Variants in GPBP1L1 observed in about 807,000 individuals in gnomAD.
GPBP1L1 encodes the protein vasculin-like protein 1.
Under a neutral mutation model 52.5 loss-of-function variants are expected in GPBP1L1, and 23 were observed. The observed-to-expected ratio is 0.44, with a 90% confidence interval of 0.32 to 0.62. The LOEUF (loss-of-function observed/expected upper bound fraction) is 0.62. Among genes scored for constraint, GPBP1L1 ranks in the 20% least tolerant of loss-of-function variants. The pLI, the probability that GPBP1L1 is intolerant of heterozygous loss-of-function variation, is 0.06. For synonymous variants in GPBP1L1, 243 were observed against 203.1 expected, an observed-to-expected ratio of 1.20 and a Z score of -1.67; for missense variants, 596 against 579.3, an observed-to-expected ratio of 1.03 and a Z score of -0.30.
At chr1:45,632,778 AG>A (rs1469506990) in intron 10 of GPBP1L1, among the ~76,000 whole-genome samples, 1 of 152,216 alleles carries the variant, frequency 6.6e-6, no homozygotes, top group Non-Finnish European at 1.5e-5. Flanking sequence ...CTGTAGTCAA[AG>A]ACACATCTAA....
chr1:45,635,305 G>A (rs1644580054), intron 8 of GPBP1L1: 1 of 152,094 alleles, frequency 6.6e-6, no homozygotes, highest in Admixed American at 6.5e-5. Flanking sequence ...GCAGATAAGA[G>A]AAACGATGAC....
intron 5 of GPBP1L1, 22 bp from the exon 6 acceptor site, chr1:45,654,851 CTAAT>C: frequency 6.2e-7 from 1 of 1,601,808 alleles, no homozygotes; most frequent in Non-Finnish European, 8.5e-7. Flanking sequence ...AAGAAAAGGA[CTAAT>C]TAGATTGTTT....
intron 8 of GPBP1L1, among the ~76,000 whole-genome samples, chr1:45,638,285 A>G (rs942381708): frequency 4.6e-5 from 7 of 152,092 alleles, no homozygotes; most frequent in Non-Finnish European, 7.4e-5. Context: ...CCTATATTCT[A>G]TCTAGTTCCT....
chr1:45,653,870 T>C (rs1333779452), intron 6 of GPBP1L1, among the ~76,000 whole-genome samples: 2 of 151,972 alleles, frequency 1.3e-5, no homozygotes, highest in African/African-American at 2.4e-5. Flanking sequence ...AGCTAATTTT[T>C]GTGTTTTTAG....
intron 2 of GPBP1L1, among the ~76,000 whole-genome samples, chr1:45,684,254 G>A (rs866485355): frequency 2.2e-4 from 8 of 36,590 alleles, no homozygotes; most frequent in South Asian, 1.5e-3. Context: ...GCGAAACTCC[G>A]TCTCAAAAAA....
At chr1:45,643,657 G>GTTTTTT (rs1644702864) in intron 6 of GPBP1L1, among the ~76,000 whole-genome samples, 2 of 123,546 alleles carry the variant, frequency 1.6e-5, no homozygotes, top group African/African-American at 6.4e-5. Flanking sequence ...TAGGAGAATG[G>GTTTTTT]CTTTTTTTTT....
At chr1:45,647,112 C>A (rs1161905356) in intron 6 of GPBP1L1, among the ~76,000 whole-genome samples, 1 of 148,268 alleles carries the variant, frequency 6.7e-6, no homozygotes, top group Admixed American at 6.7e-5. Flanking sequence ...AGAGTTCTAG[C>A]CCCTTATTTT....
intron 8 of GPBP1L1, among the ~76,000 whole-genome samples, chr1:45,638,117 C>T (rs75813373): frequency 0.015 from 2,256 of 152,318 alleles, 30 homozygotes; most frequent in African/African-American, 0.027. Flanking sequence ...GTATCCTAAA[C>T]CCTTTTCAAA....
At chr1:45,681,689 T>C (rs966825145) in intron 2 of GPBP1L1, among the ~76,000 whole-genome samples, 3 of 152,224 alleles carry the variant, frequency 2.0e-5, no homozygotes, top group Admixed American at 1.3e-4. Flanking sequence ...ATACAAATAT[T>C]ATTTATTACA....
At chr1:45,683,244 C>T (rs1170649754) in intron 2 of GPBP1L1, among the ~76,000 whole-genome samples, 1 of 118,592 alleles carries the variant, frequency 8.4e-6, no homozygotes, top group African/African-American at 3.3e-5. Flanking sequence ...GAGGGAGTCT[C>T]GCTCTGTCCC....
chr1:45,684,269 AAAAAAAAAG>A (rs1275500857), intron 2 of GPBP1L1, among the ~76,000 whole-genome samples: 3 of 151,138 alleles, frequency 2.0e-5, no homozygotes, highest in Admixed American at 1.3e-4. Context: ...AAAAAAAAAA[AAAAAAAAAG>A]AAAAAGAAAA....
chr1:45,630,688 C>T (rs1313663729), intron 10 of GPBP1L1, 82 bp from the exon 11 acceptor site: 10 of 1,491,406 alleles, frequency 6.7e-6, no homozygotes, highest in Middle Eastern at 1.8e-4. Flanking sequence ...CAAGGACTCA[C>T]GACCCAGGAA....
intron 2 of GPBP1L1, among the ~76,000 whole-genome samples, chr1:45,668,840 G>C (rs1019697495): frequency 3.7e-5 from 5 of 136,668 alleles, no homozygotes; most frequent in African/African-American, 1.4e-4. Flanking sequence ...AGGCATGGTG[G>C]TGGGCGCCTA....
At chr1:45,681,450 A>T (rs927864258) in intron 2 of GPBP1L1, among the ~76,000 whole-genome samples, 2 of 152,220 alleles carry the variant, frequency 1.3e-5, no homozygotes, top group Non-Finnish European at 2.9e-5. Context: ...AAATTAAGGC[A>T]TTTAAAATGG....
intron 7 of GPBP1L1, among the ~76,000 whole-genome samples, chr1:45,641,124 G>A (rs536044650): frequency 2.0e-5 from 3 of 152,152 alleles, no homozygotes; most frequent in Admixed American, 6.5e-5. Context: ...GAAACCCTCT[G>A]ATGAGGCAAA....
At chr1:45,631,323 C>T (rs1281788090) in intron 10 of GPBP1L1, among the ~76,000 whole-genome samples, 8 of 152,046 alleles carry the variant, frequency 5.3e-5, no homozygotes, top group African/African-American at 1.7e-4. Flanking sequence ...AGTGCAGTGG[C>T]GCGATCTCGG....
chr1:45,649,345 T>C, intron 6 of GPBP1L1, among the ~76,000 whole-genome samples: 1 of 152,230 alleles, frequency 6.6e-6, no homozygotes, highest in Non-Finnish European at 1.5e-5. Flanking sequence ...CCACTGATGT[T>C]TTAGCAAAAG....
intron 6 of GPBP1L1, among the ~76,000 whole-genome samples, chr1:45,646,463 G>C (rs1198715917): frequency 6.6e-6 from 1 of 151,980 alleles, no homozygotes; most frequent in Non-Finnish European, 1.5e-5. Flanking sequence ...CTAGTATTTT[G>C]TAAGAGTATG....
rs80034053 is a variant in GPBP1L1 at position 45,632,075 on chromosome 1, C to G, written c.1044+1414G>C. 6.2e-3 allele frequency among the ~76,000 whole-genome samples: 946 copies of G among 152,118 alleles called. 7 individuals are homozygous for G. Among genetic ancestry groups the G allele is most frequent in the African/African-American group, 0.022 (913 of 41,510 alleles). On this transcript the variant is annotated intron_variant, in intron 10 of 12. Transcript: ENST00000355105. ...GTCTCTACTACATACAAAAAAAATT[C>G]CAGAAAATAGTATACTCTTTCATCC...
Sources: gnomAD v4.1 joint callset for allele counts (sites outside exome capture counted in the v4.1 genomes callset) on GRCh38, gnomAD v4.1.1 for gene constraint, MANE v1.5 for transcripts, NCBI Gene and HGNC (gene_info 2026-07-23, HGNC 2026-07-21) for gene names.